Variants in GRID2 observed in about 807,000 individuals in gnomAD.
GRID2 encodes glutamate ionotropic receptor delta type subunit 2.
Under a neutral mutation model 114.8 loss-of-function variants are expected in GRID2, and 33 were observed. That is an observed-to-expected ratio of 0.29 (90% confidence interval 0.22 to 0.38). GRID2 has a LOEUF of 0.38. Among genes scored for constraint, GRID2 ranks in the 10% least tolerant of loss-of-function variants. The probability of loss-of-function intolerance (pLI) is 1.00; values close to 1 mark genes in which losing one functional copy is unlikely to be tolerated. For missense variants in GRID2, 1,184 were observed against 1,257.7 expected, an observed-to-expected ratio of 0.94 and a Z score of 0.89; for synonymous variants, 505 against 449.9, an observed-to-expected ratio of 1.12 and a Z score of -1.55.
intron 14 of GRID2, among the ~76,000 whole-genome samples, chr4:93,678,536 G>C (rs191234907): frequency 5.3e-5 from 8 of 151,912 alleles, no homozygotes; most frequent in Non-Finnish European, 1.2e-4. Context: ...AGAAAGGTCC[G>C]GTTACCCACA....
intron 2 of GRID2, among the ~76,000 whole-genome samples, chr4:92,887,795 C>A (rs1414954606): frequency 6.6e-6 from 1 of 152,150 alleles, no homozygotes. Context: ...CTTTTTCTCT[C>A]TTGCTTTCTT....
chr4:93,515,071 C>A, intron 12 of GRID2, 145 bp from the exon 13 acceptor site: 1 of 424,656 alleles, frequency 2.4e-6, no homozygotes. Flanking sequence ...ACATTATATC[C>A]TAATATCAGA....
chr4:93,755,724 G>C (rs1264399604), intron 14 of GRID2, among the ~76,000 whole-genome samples: 1 of 152,176 alleles, frequency 6.6e-6, no homozygotes, highest in Non-Finnish European at 1.5e-5. Context: ...ACCAACTAAA[G>C]TGAAGCTAGC....
At chr4:93,297,099 G>GA (rs1373121866) in intron 8 of GRID2, among the ~76,000 whole-genome samples, 3 of 152,088 alleles carry the variant, frequency 2.0e-5, no homozygotes, top group Non-Finnish European at 2.9e-5. Flanking sequence ...AGATCAGAGG[G>GA]AAAAGAGAGA....
At chr4:92,902,957 C>T (rs763883477) in intron 2 of GRID2, among the ~76,000 whole-genome samples, 4 of 151,778 alleles carry the variant, frequency 2.6e-5, no homozygotes, top group Non-Finnish European at 4.4e-5. Flanking sequence ...GGTTACTATA[C>T]CTCATAGCAT....
intron 8 of GRID2, among the ~76,000 whole-genome samples, chr4:93,315,228 C>T (rs1401584921): frequency 6.6e-6 from 1 of 152,194 alleles, no homozygotes; most frequent in Non-Finnish European, 1.5e-5. Context: ...AATCCAATCA[C>T]TTTTCTCCCT....
chr4:92,805,132 T>C (rs1464488660), intron 2 of GRID2, among the ~76,000 whole-genome samples: 1 of 152,046 alleles, frequency 6.6e-6, no homozygotes, highest in African/African-American at 2.4e-5. Context: ...AAGAAACAGA[T>C]TAAATTTGCT....
In GRID2 at chr4:93,237,610, G is replaced by A. The variant is rs150827277; in HGVS notation, c.1126-761G>A. Among the ~76,000 whole-genome samples the A allele has an allele frequency of 3.0e-3, 463 of 151,930 alleles. 5 individuals carry two copies. Among genetic ancestry groups the A allele is most frequent in the Admixed American group, 0.023 (350 of 15,204 alleles). ...TTTTAGCATTGAAGTGACTCAGAGT[G>A]CGATTTTCATTTGTAAAATCCTAAA... On this transcript the variant is annotated intron_variant, in intron 7 of 15. Transcript: ENST00000282020.
intron 4 of GRID2, among the ~76,000 whole-genome samples, chr4:93,191,204 T>C (rs1740948196): frequency 6.6e-6 from 1 of 152,078 alleles, no homozygotes; most frequent in African/African-American, 2.4e-5. Context: ...AAACTCTAGA[T>C]AGTCTTTGCA....
At chr4:93,262,914 G>A (rs1040969903) in intron 8 of GRID2, among the ~76,000 whole-genome samples, 15 of 150,142 alleles carry the variant, frequency 1.0e-4, no homozygotes, top group Non-Finnish European at 1.5e-4. Context: ...TTTTTTTTCC[G>A]TTTTACTCTT....
At chr4:92,481,511 T>C (rs1236955255) in intron 1 of GRID2, among the ~76,000 whole-genome samples, 1 of 152,124 alleles carries the variant, frequency 6.6e-6, no homozygotes, top group Non-Finnish European at 1.5e-5. Context: ...AATCAGGTGG[T>C]TGAAAGTGTG....
chr4:92,940,940 A>C lies in GRID2; in HGVS notation c.245-144055A>C, dbSNP rs376778359. 2.1e-4 allele frequency among the ~76,000 whole-genome samples: 32 copies of C among 152,068 alleles called. 1 individual carries two copies. Among genetic ancestry groups the C allele is most frequent in the East Asian group, 9.7e-4 (5 of 5,176 alleles). On this transcript the variant is annotated intron_variant, in intron 2 of 15. Transcript: ENST00000282020. ...AGCCCTCTTGATCATGGTGGATAAGATTTTTGATGTGCTGCTGGATTCGGT... is the reference window on the plus strand; with the variant it reads ...AGCCCTCTTGATCATGGTGGATAAGCTTTTTGATGTGCTGCTGGATTCGGT...
intron 1 of GRID2, 23 bp from the exon 2 acceptor site, chr4:92,590,108 T>A (rs368477640): frequency 3.3e-5 from 52 of 1,554,976 alleles, no homozygotes; most frequent in Middle Eastern, 1.7e-4. Flanking sequence ...TATTATTTAA[T>A]GGCAAAATTC....
intron 14 of GRID2, among the ~76,000 whole-genome samples, chr4:93,726,012 G>C (rs1189519057): frequency 3.3e-5 from 5 of 152,166 alleles, no homozygotes. Flanking sequence ...TCAATCTTTG[G>C]CTTTGGTTGC....
At chr4:92,951,679 G>A (rs573158051) in intron 2 of GRID2, among the ~76,000 whole-genome samples, 1 of 152,060 alleles carries the variant, frequency 6.6e-6, no homozygotes, top group Admixed American at 6.6e-5. Flanking sequence ...ATATTAAAAA[G>A]CATAAATTCA....
chr4:92,798,553 T>C (rs1308460511), intron 2 of GRID2, among the ~76,000 whole-genome samples: 2 of 152,078 alleles, frequency 1.3e-5, no homozygotes, highest in East Asian at 2.0e-4. Flanking sequence ...TAGAGATGAT[T>C]TACAAGAATG....
At chr4:93,249,502 A>G (rs1250545021) in intron 8 of GRID2, among the ~76,000 whole-genome samples, 1 of 152,192 alleles carries the variant, frequency 6.6e-6, no homozygotes, top group Non-Finnish European at 1.5e-5. Context: ...ATTCCTATCC[A>G]TGAGCATGGA....
At chr4:92,501,892 T>C (rs192355693) in intron 1 of GRID2, among the ~76,000 whole-genome samples, 85 of 152,318 alleles carry the variant, frequency 5.6e-4, no homozygotes, top group African/African-American at 1.9e-3. Context: ...AGATGACATA[T>C]GAAACAGTTT....
At chr4:92,610,195 A>G (rs1298468504) in intron 2 of GRID2, among the ~76,000 whole-genome samples, 1 of 151,526 alleles carries the variant, frequency 6.6e-6, no homozygotes, top group Admixed American at 6.6e-5. Context: ...CCCCCTTTCA[A>G]TGACCTGGAA....
Sources: gnomAD v4.1 joint callset for allele counts (sites outside exome capture counted in the v4.1 genomes callset) on GRCh38, gnomAD v4.1.1 for gene constraint, MANE v1.5 for transcripts, NCBI Gene and HGNC (gene_info 2026-07-23, HGNC 2026-07-21) for gene names.